Variants in MGAM observed in about 807,000 individuals in gnomAD.
The protein encoded by MGAM is maltase-glucoamylase, also known as alpha-1,4-glucosidase.
Under a neutral mutation model 358.8 loss-of-function variants are expected in MGAM, and 253 were observed. The observed-to-expected ratio is 0.71, with a 90% CI of 0.64 to 0.78. MGAM has a LOEUF of 0.78. MGAM is among the 30% of genes least tolerant of loss of function. The probability of loss-of-function intolerance (pLI) is 0.00; values close to 1 mark genes in which losing one functional copy is unlikely to be tolerated. For missense variants in MGAM, 3,080 were observed against 3,432.6 expected (o/e 0.90, Z 2.57); for synonymous variants, 1,105 against 1,227.1 (o/e 0.90, Z 2.08).
intron 29 of MGAM, among the ~76,000 whole-genome samples, 192 bp downstream of exon 29, chr7:142,056,288 A>G (rs1327413240): frequency 6.6e-6 from 1 of 152,090 alleles, no homozygotes; most frequent in East Asian, 1.9e-4. Context: ...ATTTAACCCA[A>G]CTCTCATTTT....
chr7:142,098,823 A>G (rs1252059491), intron 66 of MGAM, among the ~76,000 whole-genome samples: 8 of 152,190 alleles, frequency 5.3e-5, no homozygotes, highest in South Asian at 2.1e-4. Context: ...GGAGCAAGCT[A>G]TTTAGAAAAA....
At chr7:142,092,129 C>A in intron 58 of MGAM, 82 bp downstream of exon 58, 1 of 1,472,552 alleles carries the variant, frequency 6.8e-7, no homozygotes, top group South Asian at 1.3e-5. Flanking sequence ...GACCTTCAGT[C>A]AAGAGGATAG....
chr7:142,085,061 G>T (rs1174657284), intron 54 of MGAM, among the ~76,000 whole-genome samples: 1 of 146,446 alleles, frequency 6.8e-6, no homozygotes, highest in Non-Finnish European at 1.5e-5. Flanking sequence ...CTCAGTTCCC[G>T]CAGCCCTGGT....
At chr7:142,094,013 A>G (rs1343255401) in intron 60 of MGAM, among the ~76,000 whole-genome samples, 1 of 146,252 alleles carries the variant, frequency 6.8e-6, no homozygotes, top group African/African-American at 2.4e-5. Context: ...AGCTCAATTA[A>G]TAGTGTGAAT....
Position 142,085,896 on chromosome 7 carries a change from T to A in MGAM, c.6571T>A (p.Phe2191Ile), listed in dbSNP as rs1814705286. The change falls in exon 55 of 71, where the codon TTT becomes ATT. Residue 2191 changes from phenylalanine (F) to isoleucine (I), a missense_variant. Coordinates refer to ENST00000475668, the MANE Select transcript of MGAM (RefSeq NM_001365693.1). ...GCTGGACTTCACCCTCAGCCCCAAGTTTGCCGGGTTTCCAGCTCTGATCAA... is the reference window on the plus strand; with the variant it reads ...GCTGGACTTCACCCTCAGCCCCAAGATTGCCGGGTTTCCAGCTCTGATCAA... ...RQLDFTLSPK[F>I]AGFPALINRM... 1.3e-6 allele frequency: 2 copies of A among 1,566,096 alleles called. No individual in the cohort carries two copies. Among genetic ancestry groups the A allele is most frequent in the African/African-American group, 2.7e-5 (2 of 74,618 alleles).
chr7:142,095,382 A>T (rs1273361449), intron 63 of MGAM, among the ~76,000 whole-genome samples, 183 bp from the exon 64 acceptor site: 3 of 152,238 alleles, frequency 2.0e-5, no homozygotes, highest in Admixed American at 6.5e-5. Context: ...AAATTTCATC[A>T]GCTGTCCTAG....
intron 3 of MGAM, among the ~76,000 whole-genome samples, chr7:142,009,977 G>A (rs1252674503): frequency 2.0e-5 from 3 of 152,084 alleles, no homozygotes; most frequent in Admixed American, 2.0e-4. Context: ...TTCTGGTGTC[G>A]AAACCATTGC....
In MGAM at chr7:142,086,267, G is replaced by C. The variant is rs752771375; in HGVS notation, c.6686G>C (p.Arg2229Pro). ...ACACAGCCCTATCCTGCCTTCACTC[G>C]GGGCGTGGAGGATGACGTCTTCATC... ...NETQPYPAFTRGVEDDVFIKY... is the reference protein window; with the variant it reads ...NETQPYPAFTPGVEDDVFIKY... Residue 2229 changes from arginine to proline, a missense_variant, in exon 56 of 71, where the codon CGG (arginine) becomes CCG (proline). This residue lies in a region of MGAM where 932 missense variants were observed against 1,198.2 expected (regional missense o/e 0.78). Coordinates refer to ENST00000475668, the MANE Select transcript of MGAM (RefSeq NM_001365693.1). The C allele has an allele frequency of 6.5e-7, 1 of 1,544,244 alleles. No homozygotes were observed. The highest frequency in any genetic ancestry group is 1.3e-5 in the African/African-American group (1 of 74,256).
At chr7:142,048,036 A>G (rs1161111483) in intron 22 of MGAM, among the ~76,000 whole-genome samples, 163 bp downstream of exon 22, 1 of 152,198 alleles carries the variant, frequency 6.6e-6, no homozygotes, top group Non-Finnish European at 1.5e-5. Context: ...AGGTAGTGGT[A>G]GATGACCTAC....
At chr7:142,065,089 T>C (rs1812590952) in intron 37 of MGAM, among the ~76,000 whole-genome samples, 2 of 152,140 alleles carry the variant, frequency 1.3e-5, no homozygotes, top group South Asian at 4.1e-4. Context: ...TAGTAATTCC[T>C]TAGTATTTTG....
chr7:142,014,216 A>G (rs1805801786), intron 3 of MGAM, among the ~76,000 whole-genome samples: 1 of 152,180 alleles, frequency 6.6e-6, no homozygotes. Context: ...ACAATGTGCA[A>G]AGTTGTACAT....
intron 2 of MGAM, among the ~76,000 whole-genome samples, chr7:141,989,425 T>C (rs1554446852): frequency 6.6e-6 from 1 of 152,220 alleles, no homozygotes; most frequent in Non-Finnish European, 1.5e-5. Context: ...TGATCATCCC[T>C]GATTTCCAGA....
Position 142,103,430 on chromosome 7 carries a change from C to T in MGAM, c.8175C>T (p.Pro2725=). The T allele has an allele frequency of 6.2e-7, 1 of 1,603,862 alleles. No individual in the cohort carries two copies. Among genetic ancestry groups the T allele is most frequent in the Non-Finnish European group, 8.5e-7 (1 of 1,175,964 alleles). The change falls in exon 70 of 71, where the codon CCC becomes CCT. Residue 2725 remains proline, a synonymous_variant. Transcript: ENST00000475668. ...TAACACCCTCCTTCAACAATGACCC[C>T]ACGACACAGGTTTGTGACCAGCAAA... ...MVITPSFNND[P]TTQVLSIDVT...
intron 2 of MGAM, 63 bp downstream of exon 2, chr7:142,005,720 G>A (rs2128982749): frequency 1.3e-6 from 2 of 1,487,378 alleles, no homozygotes; most frequent in East Asian, 4.7e-5. Context: ...CTTCAACAAT[G>A]TCAGGAAAGT....
intron 1 of MGAM, 115 bp from the exon 2 acceptor site, chr7:142,005,414 C>A: frequency 1.4e-6 from 1 of 692,212 alleles, no homozygotes; most frequent in Non-Finnish European, 2.2e-6. Flanking sequence ...ATAATGGATG[C>A]TTGGGAGGCT....
chr7:142,008,446 A>T, intron 2 of MGAM, 60 bp from the exon 3 acceptor site: 1 of 1,518,824 alleles, frequency 6.6e-7, no homozygotes, highest in Non-Finnish European at 8.9e-7. Flanking sequence ...GTTGAGAACT[A>T]TTGAATGTCT....
chr7:142,088,996 G>GTATGTATGTATATATCTATCTATC lies in MGAM; in HGVS notation c.6810+2282_6810+2283insGTATGTATATATCTATCTATCTAT, dbSNP rs771119657. Among the ~76,000 whole-genome samples the GTATGTATGTATATATCTATCTATC allele has an allele frequency of 7.7e-4, 91 of 118,046 alleles. 2 individuals carry two copies. Among genetic ancestry groups the GTATGTATGTATATATCTATCTATC allele is most frequent in the African/African-American group, 2.5e-3 (88 of 34,592 alleles). 77.4% of individuals were successfully genotyped at this position (118,046 alleles called of 152,430 possible). ...TGTATGTATGTATGTATGTATGTAT[G>GTATGTATGTATATATCTATCTATC]TATCTATCTATCTATCTATCTATCT... On this transcript the variant is annotated intron_variant, in intron 57 of 70. Coordinates refer to ENST00000475668, the MANE Select transcript of MGAM (RefSeq NM_001365693.1).
In MGAM at chr7:142,081,478, G is replaced by A. The variant is rs773580697; in HGVS notation, c.6002+533G>A. Among the ~76,000 whole-genome samples the A allele has an allele frequency of 2.4e-4, 35 of 145,390 alleles. 3 individuals are homozygous for A. The highest frequency in any genetic ancestry group is 4.7e-4 in the Non-Finnish European group (30 of 64,284). ...AGAGCATTTCAGACAGAGGGAATAG[G>A]AAGTGGGTAGGCCAGGAGATGAAGC... is the stretch of plus-strand genomic sequence containing the variant. On this transcript the variant is annotated intron_variant, in intron 50 of 70. Transcript: ENST00000475668.
intron 6 of MGAM, 105 bp from the exon 7 acceptor site, chr7:142,022,163 A>G (rs1410297204): frequency 9.5e-7 from 1 of 1,053,198 alleles, no homozygotes; most frequent in Non-Finnish European, 1.4e-6. Context: ...GACTGAATGA[A>G]TGGGGGCTAT....
Sources: allele counts gnomAD v4.1 joint callset (sites outside exome capture counted in the v4.1 genomes callset), GRCh38; gene constraint gnomAD v4.1.1; regional missense constraint gnomAD v4.1.1; transcripts MANE v1.5; gene names NCBI Gene and HGNC (gene_info 2026-07-23, HGNC 2026-07-21).